Variants in KCNIP1 observed in about 807,000 individuals in gnomAD.
KCNIP1 encodes potassium voltage-gated channel interacting protein 1, also known as A-type potassium channel modulatory protein KCNIP1.
Under a neutral mutation model 33.0 loss-of-function variants are expected in KCNIP1, and 18 were observed. The observed-to-expected ratio is 0.55, with a 90% CI of 0.38 to 0.81. The LOEUF (loss-of-function observed/expected upper bound fraction) is 0.81. Ranked by LOEUF, KCNIP1 falls within the 30% of genes least tolerant of loss-of-function variation. KCNIP1 has a pLI of 0.00. For missense variants in KCNIP1, 238 were observed against 271.6 expected, an observed-to-expected ratio of 0.88 and a Z score of 0.87; for synonymous variants, 93 against 98.3, an observed-to-expected ratio of 0.95 and a Z score of 0.32.
intron 1 of KCNIP1, among the ~76,000 whole-genome samples, chr5:170,523,877 C>G (rs1581271254): frequency 1.3e-5 from 2 of 152,218 alleles, no homozygotes; most frequent in Non-Finnish European, 1.5e-5. Flanking sequence ...CCTCCCAGAC[C>G]TCCACTAGGA....
chr5:170,677,573 G>A (rs1206295767), intron 1 of KCNIP1, among the ~76,000 whole-genome samples: 5 of 152,124 alleles, frequency 3.3e-5, no homozygotes, highest in Non-Finnish European at 4.4e-5. Flanking sequence ...TTGTGATTGT[G>A]ACCATCTTGG....
At chr5:170,644,315 A>ATAT (rs1760700889) in intron 1 of KCNIP1, among the ~76,000 whole-genome samples, 1 of 152,244 alleles carries the variant, frequency 6.6e-6, no homozygotes, top group Non-Finnish European at 1.5e-5. Flanking sequence ...TGCCCGAGGC[A>ATAT]GTCAGCAGCC....
intron 1 of KCNIP1, among the ~76,000 whole-genome samples, chr5:170,591,653 C>T (rs1412960824): frequency 6.6e-6 from 1 of 152,178 alleles, no homozygotes; most frequent in Non-Finnish European, 1.5e-5. Flanking sequence ...TTTTCTATCT[C>T]TACAAATTTG....
rs755071291 is a variant in KCNIP1 at position 170,489,459 on chromosome 5, C to T, written c.88+135495C>T. 5.3e-3 allele frequency among the ~76,000 whole-genome samples: 808 copies of T among 152,260 alleles called. 1 individual carries two copies. The highest frequency in any genetic ancestry group is 5.4e-3 in the Non-Finnish European group (369 of 68,006). ...TCTCCCTCAGTGTCCTGGAAAGGCC[C>T]CAGGGCTGCCCCAACCCCTGACCTC... On this transcript the variant is annotated intron_variant, in intron 1 of 7. Transcript: ENST00000377360. The surrounding 1 kb of genome is among the most constrained non-coding windows in gnomAD (Gnocchi z 4.3).
chr5:170,675,113 C>A (rs999421145), intron 1 of KCNIP1, among the ~76,000 whole-genome samples: 1 of 151,922 alleles, frequency 6.6e-6, no homozygotes, highest in Non-Finnish European at 1.5e-5. Flanking sequence ...CCAGCCTGGG[C>A]AATATAGTGA....
intron 1 of KCNIP1, among the ~76,000 whole-genome samples, chr5:170,597,917 AATCCG>A (rs987723585): frequency 6.6e-6 from 1 of 151,634 alleles, no homozygotes; most frequent in African/African-American, 2.4e-5. Flanking sequence ...AAATGCACCG[AATCCG>A]ATTTCAAAAG....
intron 1 of KCNIP1, among the ~76,000 whole-genome samples, chr5:170,523,937 C>T (rs1478719753): frequency 1.3e-5 from 2 of 152,126 alleles, no homozygotes; most frequent in African/African-American, 4.8e-5. Context: ...GTGCACCATC[C>T]GAAGCCAGGT....
chr5:170,430,158 TA>T (rs1755708618), intron 1 of KCNIP1, among the ~76,000 whole-genome samples: 1 of 152,240 alleles, frequency 6.6e-6, no homozygotes. Flanking sequence ...AATCATCAGT[TA>T]AGCCTGTGGA....
At chr5:170,612,066 C>G (rs529486073) in intron 1 of KCNIP1, among the ~76,000 whole-genome samples, 3 of 152,204 alleles carry the variant, frequency 2.0e-5, no homozygotes, top group Non-Finnish European at 4.4e-5. Flanking sequence ...AACTGTCTAC[C>G]CTGTCAGGTT....
intron 1 of KCNIP1, among the ~76,000 whole-genome samples, chr5:170,573,728 T>C (rs62394308): frequency 0.052 from 7,895 of 152,354 alleles, 342 homozygotes; most frequent in East Asian, 0.21. Context: ...AATAAAGTTG[T>C]ATTGAGACAG....
intron 1 of KCNIP1, among the ~76,000 whole-genome samples, chr5:170,446,795 C>G (rs373771114): frequency 5.9e-5 from 9 of 152,138 alleles, no homozygotes; most frequent in African/African-American, 1.9e-4. Flanking sequence ...CAGGACCTGC[C>G]ACATGTCCAA....
intron 1 of KCNIP1, among the ~76,000 whole-genome samples, chr5:170,451,964 G>A (rs570217127): frequency 1.4e-5 from 2 of 148,038 alleles, no homozygotes; most frequent in African/African-American, 5.0e-5. Flanking sequence ...GCCCAGGCCT[G>A]GGCTGGTGGC....
intron 1 of KCNIP1, chr5:170,378,652 G>A (rs1013326653): frequency 8.4e-6 from 13 of 1,538,930 alleles, no homozygotes; most frequent in East Asian, 4.5e-5. Context: ...AGCCCTGGGG[G>A]CCCAGCCAGT....
intron 1 of KCNIP1, among the ~76,000 whole-genome samples, chr5:170,673,556 C>A (rs576322460): frequency 1.3e-5 from 2 of 152,334 alleles, no homozygotes; most frequent in Non-Finnish European, 2.9e-5. Flanking sequence ...GACCTAGTAT[C>A]TGTTCTAGCT....
chr5:170,517,006 T>G (rs1319316238), intron 1 of KCNIP1, among the ~76,000 whole-genome samples: 1 of 151,916 alleles, frequency 6.6e-6, no homozygotes, highest in Non-Finnish European at 1.5e-5. Context: ...GATGGTGTTA[T>G]TCGTGGTGGT....
chr5:170,459,070 A>G (rs1000801957), intron 1 of KCNIP1, among the ~76,000 whole-genome samples: 5 of 152,212 alleles, frequency 3.3e-5, no homozygotes, highest in African/African-American at 9.6e-5. Context: ...CAAATTTTAG[A>G]GCAACAGCAG....
chr5:170,658,684 A>G (rs1761362441), intron 1 of KCNIP1, among the ~76,000 whole-genome samples: 1 of 152,178 alleles, frequency 6.6e-6, no homozygotes, highest in Non-Finnish European at 1.5e-5. Context: ...TTAAGGCTGC[A>G]GAGTCTAGCA....
chr5:170,514,830 C>G (rs1182732892), intron 1 of KCNIP1, among the ~76,000 whole-genome samples: 1 of 152,158 alleles, frequency 6.6e-6, no homozygotes, highest in Non-Finnish European at 1.5e-5. Context: ...AAGGTGTTGA[C>G]AAAATAACAA....
chr5:170,580,120 G>A (rs78818843), intron 1 of KCNIP1, among the ~76,000 whole-genome samples: 4,950 of 152,248 alleles, frequency 0.033, 133 homozygotes, highest in Non-Finnish European at 0.051. Context: ...GATTGCTTCA[G>A]CATCTGAATC....
Sources: gnomAD v4.1 joint callset for allele counts (sites outside exome capture counted in the v4.1 genomes callset) on GRCh38, gnomAD v4.1.1 for gene constraint, Gnocchi (gnomAD v3.1) non-coding constraint, MANE v1.5 for transcripts, NCBI Gene and HGNC (gene_info 2026-07-23, HGNC 2026-07-21) for gene names.